Variants in LRRK1 observed in about 807,000 individuals in gnomAD.
LRRK1 encodes the protein leucine-rich repeat serine/threonine-protein kinase 1.
A neutral mutation model predicts 209.1 loss-of-function variants in LRRK1; 113 were observed. That is an observed-to-expected ratio of 0.54 (90% confidence interval 0.46 to 0.63). LRRK1 has a LOEUF of 0.63. LRRK1 is among the 30% of genes least tolerant of loss of function. LRRK1 has a pLI of 0.00. For synonymous variants in LRRK1, 1,144 were observed against 1,099.7 expected (o/e 1.04, Z -0.80); for missense variants, 2,284 against 2,632.2 (o/e 0.87, Z 2.89).
chr15:101,013,577 G>A (rs12910330), intron 10 of LRRK1, among the ~76,000 whole-genome samples: 51,469 of 151,940 alleles, frequency 0.34, 9,524 homozygotes, highest in African/African-American at 0.49. Context: ...TCACACCGCT[G>A]CACTCCAGCC....
intron 15 of LRRK1, among the ~76,000 whole-genome samples, chr15:101,023,841 G>A (rs1388895291): frequency 1.3e-5 from 2 of 152,202 alleles, no homozygotes; most frequent in South Asian, 2.1e-4. Context: ...GACAATCAAC[G>A]CTAGGCCAAT....
At chr15:100,984,701 G>A (rs568616470) in intron 4 of LRRK1, among the ~76,000 whole-genome samples, 12 of 152,096 alleles carry the variant, frequency 7.9e-5, no homozygotes, top group African/African-American at 2.7e-4. Context: ...CATTGTATTG[G>A]TGTACCACAC....
rs2141584838 is a variant in LRRK1 at position 100,919,515 on chromosome 15, C to G, written c.-123+64C>G. On this transcript the variant is annotated intron_variant, in intron 1 of 33. Transcript: ENST00000388948. The surrounding 1 kb of genome is among the most constrained non-coding windows in gnomAD (Gnocchi z 5.8). ...CTGCCTCCCGGCCCCGCCCGGGGAA[C>G]CCAGAGCCCGCGCCCGGCGCCCGCG... 1 of 147,282 alleles carries G rather than the reference C, an allele frequency of 6.8e-6. No homozygotes were observed. The highest frequency in any genetic ancestry group is 2.0e-4 in the East Asian group (1 of 5,084). 9.1% of individuals were successfully genotyped at this position (147,282 alleles called of 1,614,324 possible).
chr15:100,962,982 C>T (rs1195979459), intron 2 of LRRK1, among the ~76,000 whole-genome samples: 1 of 149,488 alleles, frequency 6.7e-6, no homozygotes, highest in Non-Finnish European at 1.5e-5. Flanking sequence ...CACCACCATG[C>T]CTGGCTAATT....
At chr15:100,951,970 T>C (rs867510402) in intron 2 of LRRK1, among the ~76,000 whole-genome samples, 4 of 147,902 alleles carry the variant, frequency 2.7e-5, no homozygotes, top group Non-Finnish European at 4.5e-5. Context: ...AAAAAAATAA[T>C]AATAATAATA....
At position 101,010,746 on chromosome 15, in the gene LRRK1, C is replaced by T. The variant is rs1420851289; in HGVS notation, c.1190C>T (p.Ala397Val). ...GACAATAAATTGACAGAACTCCCTG[C>T]CCTGTTCCTTCACTCTTTCAAGTCC... is the stretch of plus-strand genomic sequence containing the variant. Reference protein sequence around the residue: ...ISDNKLTELPALFLHSFKSLN... With the variant: ...ISDNKLTELPVLFLHSFKSLN... The change falls in exon 9 of 34, where the codon GCC (alanine) becomes GTC (valine). Residue 397 changes from alanine (A) to valine (V), a missense_variant. By Grantham distance (64) the Ala-to-Val change is moderately conservative. Coordinates refer to ENST00000388948, the MANE Select transcript of LRRK1 (RefSeq NM_024652.6). The T allele has an allele frequency of 1.2e-6, 2 of 1,613,634 alleles. No individual in the cohort carries two copies. The highest frequency in any genetic ancestry group is 1.7e-5 in the Admixed American group (1 of 59,996).
chr15:100,989,319 G>C lies in LRRK1; in HGVS notation c.683G>C (p.Ser228Thr). 6.2e-7 allele frequency: 1 copy of C among 1,613,736 alleles called. No individual in the cohort carries two copies. The highest frequency in any genetic ancestry group is 8.5e-7 in the Non-Finnish European group (1 of 1,179,638). Reference sequence around the variant, plus strand: ...TTCTGTTCCTACATCTTGCTGGATAGTCCTGACCCCAGCAAACATCTGCTG... The same window carrying C: ...TTCTGTTCCTACATCTTGCTGGATACTCCTGACCCCAGCAAACATCTGCTG... ...AYFCSYILLD[S>T]PDPSKHLLRK... The change falls in exon 6 of 34, where the codon AGT becomes ACT. Residue 228 changes from serine (S) to threonine (T), a missense_variant. Physicochemically the swap from Ser to Thr is moderately conservative, Grantham distance 58. Around this residue, in one of 6 missense-constraint regions of LRRK1, gnomAD observed 134 missense variants for 191.7 expected, o/e 0.70. Coordinates refer to ENST00000388948, the MANE Select transcript of LRRK1 (RefSeq NM_024652.6).
chr15:101,058,973 A>G (rs999247929), intron 29 of LRRK1, among the ~76,000 whole-genome samples: 8 of 152,126 alleles, frequency 5.3e-5, no homozygotes, highest in African/African-American at 1.4e-4. Context: ...TTGAGACATA[A>G]TAAGATAAAC....
At chr15:101,026,167 C>T (rs1209697919) in intron 17 of LRRK1, 30 bp downstream of exon 17, 1 of 1,606,062 alleles carries the variant, frequency 6.2e-7, no homozygotes, top group South Asian at 1.1e-5. Flanking sequence ...CAGCTCCTGC[C>T]TTCTTGTGGG....
In LRRK1 at chr15:101,022,628, TG is replaced by T. The variant is rs771854665; in HGVS notation, c.2067+34del. 6.8e-7 allele frequency: 1 copy of T among 1,476,452 alleles called. No homozygotes were observed. Among genetic ancestry groups the T allele is most frequent in the Non-Finnish European group, 9.3e-7 (1 of 1,077,722 alleles). 91.5% of individuals were successfully genotyped at this position (1,476,452 alleles called of 1,614,324 possible). ...GGATGGTCTGCGTGCAGAGTCCCTG[TG>T]GGTGGGAGGAACATCCCTTGGACTC... On this transcript the variant is annotated intron_variant, in intron 15 of 33. Transcript: ENST00000388948. The surrounding 1 kb of genome is among the most constrained non-coding windows in gnomAD (Gnocchi z 4.0).
chr15:100,971,874 G>A (rs1433092550), intron 2 of LRRK1, among the ~76,000 whole-genome samples: 1 of 152,048 alleles, frequency 6.6e-6, no homozygotes, highest in Non-Finnish European at 1.5e-5. Flanking sequence ...ACAAATAAGT[G>A]AGAACATGGA....
intron 4 of LRRK1, chr15:100,983,943 T>TA: frequency 3.3e-6 from 2 of 599,112 alleles, no homozygotes; most frequent in Non-Finnish European, 6.1e-6. Flanking sequence ...CATTGCTTTT[T>TA]AAAAAAATAA....
At chr15:100,921,320 G>A (rs544367941) in intron 1 of LRRK1, among the ~76,000 whole-genome samples, 4 of 152,260 alleles carry the variant, frequency 2.6e-5, no homozygotes, top group Middle Eastern at 3.4e-3. Flanking sequence ...CTGGGATTGA[G>A]AACAACATAT....
Position 100,993,510 on chromosome 15 carries a change from G to T in LRRK1, c.762+4112G>T, listed in dbSNP as rs562750120. ...TTTATGACTCATCAATACCTATTTTGGTTATATCAAATGGCCACCTTAATC... is the reference window on the plus strand; with the variant it reads ...TTTATGACTCATCAATACCTATTTTTGTTATATCAAATGGCCACCTTAATC... On this transcript the variant is annotated intron_variant, in intron 6 of 33. Coordinates refer to ENST00000388948, the MANE Select transcript of LRRK1 (RefSeq NM_024652.6). 4.6e-5 allele frequency among the ~76,000 whole-genome samples: 7 copies of T among 152,200 alleles called. No homozygotes were observed. The East Asian group carries it at 1.4e-3, about 29-fold the overall frequency.
intron 20 of LRRK1, among the ~76,000 whole-genome samples, chr15:101,033,416 C>G (rs1051580440): frequency 1.3e-5 from 2 of 152,172 alleles, no homozygotes; most frequent in East Asian, 3.9e-4. Context: ...AACCTCTCTT[C>G]CTCCCACTCT....
In LRRK1 at chr15:101,062,676, C is replaced by G. The variant is rs1484812789; in HGVS notation, c.4900C>G (p.Pro1634Ala). ...PAVVTCFLAV[P>A]VIKKNSYLVL... ...TGTCGTCACCTGCTTCTTGGCCGTG[C>G]CTGTTATTAAAAAGGTGAGGTCGGG... Residue 1634 changes from proline (P) to alanine (A), a missense_variant, in exon 31 of 34, where the codon CCT becomes GCT. Around this residue, in one of 6 missense-constraint regions of LRRK1, gnomAD observed 643 missense variants for 695.9 expected, o/e 0.92. Transcript: ENST00000388948. 1.2e-6 allele frequency: 2 copies of G among 1,613,276 alleles called. No individual in the cohort carries two copies. Among genetic ancestry groups the G allele is most frequent in the Non-Finnish European group, 1.7e-6 (2 of 1,179,174 alleles).
chr15:100,977,187 G>GAAAAA (rs35118841), intron 3 of LRRK1, among the ~76,000 whole-genome samples: 1 of 142,698 alleles, frequency 7.0e-6, no homozygotes. Context: ...CTGGCACAGA[G>GAAAAA]AAAAAAAAAA....
rs904476136 is a variant in LRRK1, at chr15:100,937,682, C to T, written c.97+12953C>T. ...CCCAAGCAGCTGGGACTACAGGCGC[C>T]CGCCACCACGCCCGGCTAATTTTTT... On this transcript the variant is annotated intron_variant, in intron 2 of 33. Transcript: ENST00000388948. Among the ~76,000 whole-genome samples, 11 of 148,870 alleles carry T rather than the reference C, an allele frequency of 7.4e-5. 1 individual carries two copies. The highest frequency in any genetic ancestry group is 2.7e-4 in the Admixed American group (4 of 14,988).
At chr15:100,995,851 A>C (rs2032380552) in intron 6 of LRRK1, among the ~76,000 whole-genome samples, 1 of 152,224 alleles carries the variant, frequency 6.6e-6, no homozygotes, top group South Asian at 2.1e-4. Context: ...TCCTTTTAAA[A>C]GTCTCTAATG....
Sources: gnomAD v4.1 joint callset for allele counts (sites outside exome capture counted in the v4.1 genomes callset) on GRCh38, gnomAD v4.1.1 for gene constraint, gnomAD v4.1.1 regional missense constraint, Gnocchi (gnomAD v3.1) non-coding constraint, MANE v1.5 for transcripts, NCBI Gene and HGNC (gene_info 2026-07-23, HGNC 2026-07-21) for gene names.